NBAS: variants seen among roughly 807,000 people sequenced by gnomAD.
The protein encoded by NBAS is NAG/BC035112 fusion.
Under a neutral mutation model 302.5 loss-of-function variants are expected in NBAS, and 219 were observed. The observed-to-expected ratio is 0.72, with a 90% confidence interval of 0.65 to 0.81. The LOEUF (loss-of-function observed/expected upper bound fraction) is 0.81, where lower values mean the gene tolerates loss of function less well. NBAS is among the 30% of genes least tolerant of loss of function. NBAS has a pLI of 0.00. For synonymous variants in NBAS, 1,118 were observed against 1,021.6 expected (o/e 1.09, Z -1.80); for missense variants, 2,932 against 2,841.6 (o/e 1.03, Z -0.72).
At chr2:15,013,118 C>G in the NBAS span, among the ~76,000 whole-genome samples, 1 of 152,160 alleles carries the variant, frequency 6.6e-6, no homozygotes, top group South Asian at 2.1e-4. Context: ...CTCGGCCTCC[C>G]AAAGTTCTGG....
chr2:15,329,598 T>A (rs1672228178), intron 36 of NBAS, among the ~76,000 whole-genome samples: 1 of 152,216 alleles, frequency 6.6e-6, no homozygotes, highest in African/African-American at 2.4e-5. Context: ...TATCACAGTC[T>A]ACATGAGGCT....
intron 10 of NBAS, among the ~76,000 whole-genome samples, chr2:15,510,998 A>G (rs912488856): frequency 1.3e-5 from 2 of 152,234 alleles, no homozygotes; most frequent in Non-Finnish European, 2.9e-5. Flanking sequence ...GTATCTGAAA[A>G]TGTCACTACT....
chr2:14,997,262 G>C, the NBAS span, among the ~76,000 whole-genome samples: 1 of 152,178 alleles, frequency 6.6e-6, no homozygotes, highest in Non-Finnish European at 1.5e-5. Context: ...AACAAAGCCC[G>C]ATTACATGAG....
the NBAS span, among the ~76,000 whole-genome samples, chr2:14,953,734 C>T: frequency 1.4e-3 from 211 of 152,318 alleles, no homozygotes; most frequent in African/African-American, 4.7e-3. Context: ...AGAAGAGTAG[C>T]ACTGGAGTGA....
chr2:15,558,075 C>T (rs1342938405), intron 2 of NBAS, among the ~76,000 whole-genome samples: 3 of 152,196 alleles, frequency 2.0e-5, no homozygotes, highest in African/African-American at 7.2e-5. Context: ...TCTAGAACAG[C>T]GTCCCCCAAC....
chr2:14,927,005 T>G, the NBAS span, among the ~76,000 whole-genome samples: 1 of 152,222 alleles, frequency 6.6e-6, no homozygotes, highest in Non-Finnish European at 1.5e-5. Flanking sequence ...TCCTTCATAA[T>G]ACAGCTGGGC....
chr2:14,876,977 C>T, the NBAS span, among the ~76,000 whole-genome samples: 6 of 152,216 alleles, frequency 3.9e-5, no homozygotes, highest in Non-Finnish European at 7.3e-5. Flanking sequence ...CCCAGGCCTA[C>T]GAAAAGCAAC....
intron 12 of NBAS, among the ~76,000 whole-genome samples, chr2:15,479,266 A>C (rs1365334693): frequency 6.6e-6 from 1 of 152,226 alleles, no homozygotes; most frequent in African/African-American, 2.4e-5. Flanking sequence ...GAAGAAATGG[A>C]GTGTCCTGGT....
the NBAS span, among the ~76,000 whole-genome samples, chr2:15,018,144 G>T: frequency 6.6e-6 from 1 of 151,942 alleles, no homozygotes; most frequent in Admixed American, 6.6e-5. Context: ...GGGAAGGGTA[G>T]GGGGAAGAGG....
chr2:15,424,337 T>A lies in NBAS; in HGVS notation c.2555A>T (p.Glu852Val), dbSNP rs762387892. Reference sequence around the variant, plus strand: ...CACCTGCCGAGCATAATGCTCTATTTCCTCTGCTCTGGTCTGATACCAGTC... The same window carrying A: ...CACCTGCCGAGCATAATGCTCTATTACCTCTGCTCTGGTCTGATACCAGTC... ...VMDWYQTRAE[E>V]IEHYARQVDC... Residue 852 changes from glutamate to valine, a missense_variant, in exon 23 of 52, where the codon GAA becomes GTA. By Grantham distance (121) the Glu-to-Val change is moderately radical (BLOSUM62 -2). Transcript: ENST00000281513. 1 of 1,614,062 alleles carries A rather than the reference T, an allele frequency of 6.2e-7. No individual in the cohort carries two copies. Among genetic ancestry groups the A allele is most frequent in the Non-Finnish European group, 8.5e-7 (1 of 1,179,972 alleles).
chr2:15,294,157 G>T (rs1043249467), intron 40 of NBAS, among the ~76,000 whole-genome samples: 4 of 152,168 alleles, frequency 2.6e-5, no homozygotes, highest in African/African-American at 9.7e-5. Context: ...ACTGTAAAAT[G>T]GTGTGACACA....
the NBAS span, among the ~76,000 whole-genome samples, chr2:14,802,370 C>T: frequency 4.0e-5 from 6 of 150,656 alleles, no homozygotes; most frequent in African/African-American, 1.5e-4. Context: ...CTGTTCTGTT[C>T]CATTGATCTA....
the NBAS span, among the ~76,000 whole-genome samples, chr2:14,809,473 C>A: frequency 6.6e-6 from 1 of 152,202 alleles, no homozygotes; most frequent in African/African-American, 2.4e-5. Flanking sequence ...CAAACCTTGA[C>A]ATCTTCCATG....
chr2:15,058,263 T>C, the NBAS span, among the ~76,000 whole-genome samples: 1 of 152,152 alleles, frequency 6.6e-6, no homozygotes, highest in Non-Finnish European at 1.5e-5. Flanking sequence ...TTTTTGGTAG[T>C]CACAGCTGGG....
chr2:14,965,628 T>G, the NBAS span, among the ~76,000 whole-genome samples: 1 of 152,188 alleles, frequency 6.6e-6, no homozygotes, highest in Non-Finnish European at 1.5e-5. Flanking sequence ...TCTACACAAT[T>G]TATTCCAGCA....
chr2:15,221,138 G>A (rs1035110835), intron 47 of NBAS, among the ~76,000 whole-genome samples: 1 of 152,100 alleles, frequency 6.6e-6, no homozygotes, highest in African/African-American at 2.4e-5. Context: ...AGTATTTCTG[G>A]TGAACCTTTT....
At chr2:15,309,110 T>C in intron 39 of NBAS, 61 bp downstream of exon 39, 2 of 1,377,134 alleles carry the variant, frequency 1.5e-6, no homozygotes, top group East Asian at 2.4e-5. Context: ...CCGATGAAAA[T>C]TCACAGCATA....
chr2:15,211,427 TG>T (rs1666405569), intron 48 of NBAS, among the ~76,000 whole-genome samples: 1 of 152,376 alleles, frequency 6.6e-6, no homozygotes, highest in East Asian at 1.9e-4. Flanking sequence ...TAATATTTAA[TG>T]AATCTGAGTA....
At chr2:15,520,517 C>T (rs929474774) in intron 9 of NBAS, among the ~76,000 whole-genome samples, 2 of 151,932 alleles carry the variant, frequency 1.3e-5, no homozygotes, top group African/African-American at 4.8e-5. Flanking sequence ...AAAATAGGGG[C>T]CAGAAAACAT....
Sources: gnomAD v4.1 joint callset for allele counts (sites outside exome capture counted in the v4.1 genomes callset) on GRCh38, gnomAD v4.1.1 for gene constraint, MANE v1.5 for transcripts, NCBI Gene and HGNC (gene_info 2026-07-23, HGNC 2026-07-21) for gene names.